APPL2: variants seen among roughly 807,000 people sequenced by gnomAD.
The protein encoded by APPL2 is DCC-interacting protein 13-beta.
In APPL2, 84 loss-of-function variants were observed where a neutral mutation model predicts 92.7. That is an observed-to-expected ratio of 0.91 (90% CI 0.76 to 1.09). The LOEUF is 1.09. Among genes scored for constraint, APPL2 ranks in the 50% least tolerant of loss-of-function variants. The probability of loss-of-function intolerance (pLI) is 0.00; values close to 1 mark genes in which losing one functional copy is unlikely to be tolerated. For synonymous variants in APPL2, 291 were observed against 291.0 expected, an observed-to-expected ratio of 1.00 and a Z score of 0.00; for missense variants, 736 against 824.5, an observed-to-expected ratio of 0.89 and a Z score of 1.31.
chr12:105,205,040 C>T (rs905477677), intron 8 of APPL2, among the ~76,000 whole-genome samples: 3 of 152,088 alleles, frequency 2.0e-5, no homozygotes, highest in Non-Finnish European at 4.4e-5. Flanking sequence ...TGGGTGGTGC[C>T]GAGAAGCCTG....
At chr12:105,188,595 T>G in intron 16 of APPL2, 148 bp from the exon 17 acceptor site, 2 of 703,794 alleles carry the variant, frequency 2.8e-6, no homozygotes, top group South Asian at 3.8e-5. Flanking sequence ...AGCCCAATAT[T>G]GCCAAAGCTC....
intron 1 of APPL2, among the ~76,000 whole-genome samples, chr12:105,230,276 G>T (rs57553834): frequency 0.047 from 7,158 of 152,102 alleles, 571 homozygotes; most frequent in African/African-American, 0.16. Flanking sequence ...AAGCTGAAAG[G>T]CATTTCCTAT....
chr12:105,190,253 G>T, intron 14 of APPL2, 98 bp from the exon 15 acceptor site: 1 of 1,306,372 alleles, frequency 7.7e-7, no homozygotes, highest in Non-Finnish European at 1.0e-6. Flanking sequence ...GAAAATACAA[G>T]GGGAAAGATT....
rs550447880 is a variant in APPL2 at position 105,235,803 on chromosome 12, C to T, written c.54+156G>A. ...CAGGACTCAGGGCCCGGCCCGCCCC[C>T]TCCTCAGCCCGAGAGAACCCGGTGG... On this transcript the variant is annotated intron_variant, in intron 1 of 20. Coordinates refer to ENST00000258530, the MANE Select transcript of APPL2 (RefSeq NM_018171.5). Among the ~76,000 whole-genome samples, 8 of 152,192 alleles carry T rather than the reference C, an allele frequency of 5.3e-5. No individual in the cohort carries two copies. The East Asian group carries it at 1.4e-3, about 26-fold the overall frequency.
At chr12:105,207,640 G>C (rs757435784) in intron 7 of APPL2, among the ~76,000 whole-genome samples, 8 of 152,196 alleles carry the variant, frequency 5.3e-5, no homozygotes, top group Non-Finnish European at 8.8e-5. Flanking sequence ...TAGAAAGCAT[G>C]GGTTAAAGAA....
rs1404498702 is a variant in APPL2 at position 105,188,462 on chromosome 12, T to A, written c.1460-15A>T. 1.2e-6 allele frequency: 2 copies of A among 1,613,418 alleles called. No homozygotes were observed. The highest frequency in any genetic ancestry group is 1.7e-6 in the Non-Finnish European group (2 of 1,179,610). ...CAAAAGAGAATCTGGAAGACAGCAT[T>A]TTCCACTCAGGATCTCATTTACTTC... On this transcript the variant is annotated splice_polypyrimidine_tract_variant and intron_variant, in intron 16 of 20. Coordinates refer to ENST00000258530, the MANE Select transcript of APPL2 (RefSeq NM_018171.5).
In APPL2 at chr12:105,189,927, G is replaced by C. The variant is rs1288220238; in HGVS notation, c.1406+64C>G. On this transcript the variant is annotated intron_variant, in intron 15 of 20. Coordinates refer to ENST00000258530, the MANE Select transcript of APPL2 (RefSeq NM_018171.5). ...ATGGCAACAGTCTTTGGTGGTGGAG[G>C]GGGACACAAGATACCTCAAATTTAC... 7.5e-6 allele frequency: 12 copies of C among 1,610,602 alleles called. No individual in the cohort carries two copies. The African/African-American group carries it at 1.6e-4, about 22-fold the overall frequency.
chr12:105,200,759 C>T (rs1445127353), intron 9 of APPL2, among the ~76,000 whole-genome samples: 1 of 152,170 alleles, frequency 6.6e-6, no homozygotes, highest in African/African-American at 2.4e-5. Context: ...TCCACATGAG[C>T]ACCTCAGGAT....
intron 11 of APPL2, among the ~76,000 whole-genome samples, chr12:105,197,259 C>T (rs1887735876): frequency 6.6e-6 from 1 of 152,150 alleles, no homozygotes; most frequent in Non-Finnish European, 1.5e-5. Flanking sequence ...TCTTTGGGGC[C>T]CCTCAGGTAC....
At chr12:105,204,229 T>A (rs1888498949) in intron 8 of APPL2, among the ~76,000 whole-genome samples, 1 of 152,228 alleles carries the variant, frequency 6.6e-6, no homozygotes, top group African/African-American at 2.4e-5. Context: ...TGTCTGCTGG[T>A]TGGGAGGTAA....
intron 4 of APPL2, among the ~76,000 whole-genome samples, chr12:105,211,650 G>A (rs564359514): frequency 1.3e-5 from 2 of 152,302 alleles, no homozygotes; most frequent in East Asian, 3.9e-4. Flanking sequence ...GCCTGGATGT[G>A]CCTGCAGAGA....
chr12:105,201,279 C>T (rs897735552), intron 9 of APPL2, among the ~76,000 whole-genome samples: 2 of 152,156 alleles, frequency 1.3e-5, no homozygotes, highest in Non-Finnish European at 2.9e-5. Context: ...GGGACTCTAC[C>T]ATTGGTGGCC....
chr12:105,197,937 T>C lies in APPL2; in HGVS notation c.880A>G (p.Thr294Ala). Residue 294 changes from threonine (T) to alanine (A), a missense_variant, in exon 11 of 21, where the codon ACC becomes GCC. Coordinates refer to ENST00000258530, the MANE Select transcript of APPL2 (RefSeq NM_018171.5). ...AAATAAAGCCTCTCCCAGGTGGTGG[T>C]GACCAGCCCTGTTTTGCTGTGAGTT... Reference protein sequence around the residue: ...LNLRNKTGLVTTTWERLYFFT... With the variant: ...LNLRNKTGLVATTWERLYFFT... The C allele has an allele frequency of 6.2e-7, 1 of 1,614,074 alleles. No homozygotes were observed.
chr12:105,195,549 A>G, intron 12 of APPL2, 36 bp downstream of exon 12: 1 of 1,614,212 alleles, frequency 6.2e-7, no homozygotes. Flanking sequence ...GTCACCCACC[A>G]CGTTAGGAAA....
chr12:105,192,245 G>A (rs953421106), intron 14 of APPL2, among the ~76,000 whole-genome samples: 4 of 152,118 alleles, frequency 2.6e-5, no homozygotes, highest in Non-Finnish European at 5.9e-5. Flanking sequence ...CATCTCTGCC[G>A]TGATCCTGGT....
intron 8 of APPL2, 111 bp downstream of exon 8, chr12:105,206,950 T>G: frequency 4.5e-6 from 6 of 1,335,024 alleles, no homozygotes; most frequent in Non-Finnish European, 6.0e-6. Flanking sequence ...GCCAGGGAGA[T>G]TGTGCATTTA....
chr12:105,210,141 T>C (rs1247585669), intron 5 of APPL2, among the ~76,000 whole-genome samples: 1 of 152,066 alleles, frequency 6.6e-6, no homozygotes, highest in East Asian at 1.9e-4. Flanking sequence ...TTTATAGTTT[T>C]AGTAGAGACG....
intron 17 of APPL2, chr12:105,177,574 G>C: frequency 3.0e-6 from 1 of 333,366 alleles, no homozygotes; most frequent in South Asian, 4.2e-5. Flanking sequence ...AATATGGATG[G>C]ATTATATTCT....
At chr12:105,189,300 G>T (rs1886995694) in intron 16 of APPL2, among the ~76,000 whole-genome samples, 1 of 152,100 alleles carries the variant, frequency 6.6e-6, no homozygotes, top group South Asian at 2.1e-4. Flanking sequence ...AAAAGTGCTG[G>T]GATTACAGGC....
Sources: gnomAD v4.1 joint callset for allele counts (sites outside exome capture counted in the v4.1 genomes callset) on GRCh38, gnomAD v4.1.1 for gene constraint, MANE v1.5 for transcripts, NCBI Gene and HGNC (gene_info 2026-07-23, HGNC 2026-07-21) for gene names.